Variants in MTHFS observed in about 807,000 individuals in gnomAD.
MTHFS encodes 5-formyltetrahydrofolate cyclo-ligase.
A neutral mutation model predicts 12.7 loss-of-function variants in MTHFS; 7 were observed. The ratio of observed to expected loss-of-function variants is 0.55; its 90% CI spans 0.31 to 1.03. MTHFS has a LOEUF of 1.03. Among genes scored for constraint, MTHFS ranks in the 50% least tolerant of loss-of-function variants. The pLI is 0.05. For missense variants in MTHFS, 252 were observed against 258.1 expected (o/e 0.98, Z 0.16); for synonymous variants, 100 against 97.1 (o/e 1.03, Z -0.18).
At chr15:79,845,988 C>T (rs576171158) in intron 2 of MTHFS, among the ~76,000 whole-genome samples, 1 of 152,168 alleles carries the variant, frequency 6.6e-6, no homozygotes, top group African/African-American at 2.4e-5. Context: ...TCCCCAGACT[C>T]GTGTGAGAGC....
intron 2 of MTHFS, among the ~76,000 whole-genome samples, chr15:79,887,510 T>A (rs1359128040): frequency 1.3e-5 from 2 of 152,190 alleles, no homozygotes; most frequent in Non-Finnish European, 2.9e-5. Context: ...AAATTCCAAT[T>A]AGCAGGCACA....
rs1249406772 is a variant in MTHFS at position 79,889,323 on chromosome 15, T to C, written c.149A>G (p.Lys50Arg). ...VIAHSEYQKS[K>R]RISIFLSMQD... ...CATGCTCAGAAAGATGGAAATTCTTTTGGACTTTTGATACTCACTGTGGGC... is the reference window on the plus strand; with the variant it reads ...CATGCTCAGAAAGATGGAAATTCTTCTGGACTTTTGATACTCACTGTGGGC... Residue 50 changes from lysine to arginine, a missense_variant, in exon 2 of 3, where the codon AAA (lysine) becomes AGA (arginine). Transcript: ENST00000258874. 6.2e-7 allele frequency: 1 copy of C among 1,614,130 alleles called. No individual in the cohort carries two copies. Among genetic ancestry groups the C allele is most frequent in the East Asian group, 2.2e-5 (1 of 44,894 alleles).
chr15:79,845,716 C>G (rs1205607390), intron 2 of MTHFS, among the ~76,000 whole-genome samples: 3 of 152,150 alleles, frequency 2.0e-5, no homozygotes, highest in Non-Finnish European at 4.4e-5. Flanking sequence ...TAGTTAAATA[C>G]AGAGAATCTC....
At chr15:79,847,558 C>T (rs1273621609) in intron 2 of MTHFS, among the ~76,000 whole-genome samples, 3 of 151,324 alleles carry the variant, frequency 2.0e-5, no homozygotes, top group Non-Finnish European at 4.4e-5. Context: ...GTGGAGGGCG[C>T]CTGTAGTCCC....
intron 2 of MTHFS, among the ~76,000 whole-genome samples, chr15:79,886,216 C>T (rs1253285021): frequency 1.3e-5 from 2 of 152,170 alleles, no homozygotes; most frequent in Non-Finnish European, 2.9e-5. Flanking sequence ...AAAAGCTACA[C>T]CAACGACAGC....
At chr15:79,854,482 TC>T (rs2033767519) in intron 2 of MTHFS, among the ~76,000 whole-genome samples, 1 of 152,206 alleles carries the variant, frequency 6.6e-6, no homozygotes, top group African/African-American at 2.4e-5. Context: ...AGGCTGGTCT[TC>T]CTTGCCACTA....
In MTHFS at chr15:79,889,094, T is replaced by C. The variant is rs138155613; in HGVS notation, c.378A>G (p.Thr126=). 111 of 1,614,150 alleles carry C rather than the reference T, an allele frequency of 6.9e-5. No individual in the cohort carries two copies. The African/African-American group carries it at 1.3e-3, about 19-fold the overall frequency. ...EGDVREEALS[T]GGLDLIFMPG... is the part of the protein sequence containing the mutation. ...ACATCCTAACACCATAATACTCACC[T>C]GTGGACAAGGCCTCCTCCCGAACAT... is the stretch of plus-strand genomic sequence containing the variant. Residue 126 remains threonine (T), a splice_region_variant and synonymous_variant, in exon 2 of 3, where the codon ACA becomes ACG. Transcript: ENST00000258874.
At chr15:79,845,605 A>G (rs551003333) in intron 2 of MTHFS, among the ~76,000 whole-genome samples, 163 bp from the exon 3 acceptor site, 2 of 152,226 alleles carry the variant, frequency 1.3e-5, no homozygotes, top group Non-Finnish European at 2.9e-5. Flanking sequence ...AAAAGGAAAT[A>G]AAACGTACTC....
At chr15:79,891,060 A>C (rs1175547337) in intron 1 of MTHFS, among the ~76,000 whole-genome samples, 2 of 152,248 alleles carry the variant, frequency 1.3e-5, no homozygotes, top group African/African-American at 4.8e-5. Context: ...AAGCACAAAA[A>C]AAGAAAATCC....
chr15:79,885,619 C>T (rs189789648), intron 2 of MTHFS, among the ~76,000 whole-genome samples: 1 of 152,338 alleles, frequency 6.6e-6, no homozygotes, highest in Admixed American at 6.5e-5. Flanking sequence ...GCACGTAAGA[C>T]CCAGGCCTAA....
intron 1 of MTHFS, 118 bp from the exon 2 acceptor site, chr15:79,889,472 A>G: frequency 8.0e-7 from 1 of 1,242,414 alleles, no homozygotes; most frequent in South Asian, 1.5e-5. Context: ...AAAGAAAAAA[A>G]AAGGGGGGGG....
intron 1 of MTHFS, among the ~76,000 whole-genome samples, chr15:79,896,273 T>C (rs1282163922): frequency 6.6e-6 from 1 of 152,268 alleles, no homozygotes; most frequent in Non-Finnish European, 1.5e-5. Flanking sequence ...GCCTAGGCCC[T>C]GGAGCTACTG....
At chr15:79,851,157 C>T (rs920465936) in intron 2 of MTHFS, among the ~76,000 whole-genome samples, 2 of 152,152 alleles carry the variant, frequency 1.3e-5, no homozygotes, top group Non-Finnish European at 2.9e-5. Context: ...TTTTTGTTAA[C>T]TTATTTATCA....
rs1870577 is a variant in MTHFS at position 79,844,841 on chromosome 15, A to C, written c.*369T>G. 0.018 allele frequency: 4,612 copies of C among 252,674 alleles called. 207 individuals carry two copies. Among genetic ancestry groups the C allele is most frequent in the African/African-American group, 0.091 (4,013 of 43,984 alleles). 15.7% of individuals were successfully genotyped at this position (252,674 alleles called of 1,614,324 possible). ...CCTGCCAGGACAGACCAGGTCATGA[A>C]AGGCGTAATGAAATACAGTGCCCAC... is the stretch of plus-strand genomic sequence containing the variant. On this transcript the variant is annotated 3_prime_UTR_variant, in exon 3 of 3. Transcript: ENST00000258874.
chr15:79,888,155 A>T (rs921237901), intron 2 of MTHFS, among the ~76,000 whole-genome samples: 34 of 152,184 alleles, frequency 2.2e-4, no homozygotes, highest in Non-Finnish European at 4.0e-4. Context: ...TTTCATAATG[A>T]TAAAACTTCC....
chr15:79,879,545 T>C (rs1404146139), intron 2 of MTHFS, among the ~76,000 whole-genome samples: 1 of 152,154 alleles, frequency 6.6e-6, no homozygotes, highest in African/African-American at 2.4e-5. Flanking sequence ...ATGCTACCTT[T>C]GTGATTGTAT....
At chr15:79,878,591 T>C (rs925058278) in intron 2 of MTHFS, among the ~76,000 whole-genome samples, 3 of 150,246 alleles carry the variant, frequency 2.0e-5, no homozygotes, top group Non-Finnish European at 4.4e-5. Context: ...GCCTGCTCAG[T>C]TGCTTTATGA....
intron 2 of MTHFS, among the ~76,000 whole-genome samples, chr15:79,848,157 A>G (rs996872225): frequency 6.6e-6 from 1 of 152,276 alleles, no homozygotes; most frequent in African/African-American, 2.4e-5. Flanking sequence ...AATGAATATT[A>G]TTCAGCCATA....
intron 2 of MTHFS, among the ~76,000 whole-genome samples, chr15:79,867,100 C>T (rs1037476800): frequency 2.0e-5 from 3 of 152,192 alleles, no homozygotes; most frequent in African/African-American, 4.8e-5. Context: ...TCCCCTAACT[C>T]ACCACTCCTA....
Sources: allele counts gnomAD v4.1 joint callset (sites outside exome capture counted in the v4.1 genomes callset), GRCh38; gene constraint gnomAD v4.1.1; transcripts MANE v1.5; gene names NCBI Gene and HGNC (gene_info 2026-07-23, HGNC 2026-07-21).